The following HMGCLL1 variants were observed in gnomAD, a reference collection of about 807,000 sequenced individuals.
HMGCLL1 encodes the protein 3-hydroxymethyl-3-methylglutaryl-CoA lyase, cytoplasmic.
HMGCLL1 carries 36 observed loss-of-function variants against 39.1 expected under a neutral mutation model. The ratio of observed to expected loss-of-function variants is 0.92; its 90% CI spans 0.71 to 1.22. The LOEUF (loss-of-function observed/expected upper bound fraction) is 1.22. Among genes scored for constraint, HMGCLL1 ranks in the 50% most tolerant of loss-of-function variants. HMGCLL1 has a pLI of 0.00. For synonymous variants in HMGCLL1, 149 were observed against 144.0 expected (o/e 1.03, Z -0.25); for missense variants, 451 against 416.5 (o/e 1.08, Z -0.72).
chr6:55,446,776 CAA>C (rs1360183202), intron 7 of HMGCLL1, among the ~76,000 whole-genome samples: 6 of 151,806 alleles, frequency 4.0e-5, no homozygotes, highest in Non-Finnish European at 5.9e-5. Flanking sequence ...AATCATCTTG[CAA>C]AATTTCTAAT....
chr6:55,560,745 C>A (rs1230917070), intron 1 of HMGCLL1, among the ~76,000 whole-genome samples: 1 of 152,104 alleles, frequency 6.6e-6, no homozygotes, highest in Non-Finnish European at 1.5e-5. Context: ...TCCAGCACAC[C>A]AAAGCTTTTA....
chr6:55,582,831 C>T (rs78298973), upstream of HMGCLL1, among the ~76,000 whole-genome samples: 5,467 of 151,966 alleles, frequency 0.036, 155 homozygotes, highest in South Asian at 0.11. Flanking sequence ...TTATTTGAAA[C>T]CATGATGCTA....
chr6:55,440,774 C>A lies in HMGCLL1; in HGVS notation c.796-1215G>T, dbSNP rs56328379. The stretch of plus-strand genomic sequence containing the variant: ...GAGTTTTTGACTCAGAAGGTCTGGG[C>A]TGCGACTTGAGAATTTTAAATTTTG... On this transcript the variant is annotated intron_variant, in intron 7 of 8. Coordinates refer to ENST00000274901, the MANE Select transcript of HMGCLL1 (RefSeq NM_001042406.2). 7.3e-3 allele frequency among the ~76,000 whole-genome samples: 1,104 copies of A among 152,212 alleles called. 11 individuals carry two copies. Among genetic ancestry groups the A allele is most frequent in the African/African-American group, 0.025 (1,019 of 41,540 alleles).
chr6:55,634,235 T>C, the HMGCLL1 span, among the ~76,000 whole-genome samples: 8 of 152,138 alleles, frequency 5.3e-5, no homozygotes, highest in East Asian at 5.8e-4. Flanking sequence ...ATAAAATTGA[T>C]AGATTTAGGT....
intron 5 of HMGCLL1, among the ~76,000 whole-genome samples, chr6:55,507,453 T>C (rs1003765336): frequency 1.1e-4 from 16 of 151,422 alleles, no homozygotes; most frequent in Admixed American, 6.6e-4. Context: ...TATCTGAATA[T>C]GTTCCCAATG....
rs771644914 is a variant in HMGCLL1, at chr6:55,577,088, C to G, written c.108+1860G>C. 5 of 1,613,458 alleles carry G rather than the reference C, an allele frequency of 3.1e-6. No homozygotes were observed. In the South Asian group the frequency reaches 4.4e-5, roughly 14 times the overall value. On this transcript the variant is annotated intron_variant, in intron 1 of 8. Transcript: ENST00000274901. The stretch of plus-strand genomic sequence containing the variant: ...CATCTGGATATTTACCCAGTGGATA[C>G]AAGCCACCGTGCCTGCCAAGGAGAC...
At chr6:55,546,748 A>G (rs1204227913) in intron 1 of HMGCLL1, among the ~76,000 whole-genome samples, 2 of 152,136 alleles carry the variant, frequency 1.3e-5, no homozygotes, top group Non-Finnish European at 2.9e-5. Context: ...TACTTCTTAA[A>G]CAGGCCAATA....
intron 7 of HMGCLL1, among the ~76,000 whole-genome samples, chr6:55,479,571 T>C (rs1278815961): frequency 6.6e-6 from 1 of 151,680 alleles, no homozygotes; most frequent in East Asian, 1.9e-4. Context: ...TGTAATATTA[T>C]TCTTTCTCTT....
chr6:55,472,103 G>A (rs1211126826), intron 7 of HMGCLL1, among the ~76,000 whole-genome samples: 1 of 151,630 alleles, frequency 6.6e-6, no homozygotes, highest in Admixed American at 6.6e-5. Context: ...AAGAGTACTA[G>A]TGTGAACATT....
chr6:55,465,547 C>T (rs576347288), intron 7 of HMGCLL1, among the ~76,000 whole-genome samples: 2 of 152,054 alleles, frequency 1.3e-5, no homozygotes, highest in South Asian at 2.1e-4. Context: ...TAAATTGATA[C>T]TATTTCTAAG....
At chr6:55,488,806 T>C in intron 7 of HMGCLL1, among the ~76,000 whole-genome samples, 1 of 152,222 alleles carries the variant, frequency 6.6e-6, no homozygotes, top group South Asian at 2.1e-4. Context: ...AATGAGCCAC[T>C]GTGATCCAAC....
At chr6:55,524,948 AATTACT>A (rs1768235456) in intron 3 of HMGCLL1, among the ~76,000 whole-genome samples, 1 of 150,950 alleles carries the variant, frequency 6.6e-6, no homozygotes, top group Admixed American at 6.7e-5. Flanking sequence ...AATTAATACT[AATTACT>A]ATTACTATTA....
intron 7 of HMGCLL1, among the ~76,000 whole-genome samples, chr6:55,449,175 A>G (rs1763977486): frequency 6.6e-6 from 1 of 152,212 alleles, no homozygotes; most frequent in Non-Finnish European, 1.5e-5. Context: ...GAGCTAGTTT[A>G]TTACCAAAAA....
intron 7 of HMGCLL1, among the ~76,000 whole-genome samples, chr6:55,448,428 A>G (rs1763949310): frequency 1.3e-5 from 2 of 151,642 alleles, no homozygotes; most frequent in South Asian, 2.1e-4. Context: ...GATACTAACT[A>G]TAGTTCCATT....
chr6:55,634,442 G>A, the HMGCLL1 span, among the ~76,000 whole-genome samples: 26,081 of 151,964 alleles, frequency 0.17, 2,458 homozygotes, highest in African/African-American at 0.24. Flanking sequence ...TCTTCAAGGC[G>A]ACTACTGTGA....
chr6:55,668,235 G>A, the HMGCLL1 span, among the ~76,000 whole-genome samples: 1 of 151,884 alleles, frequency 6.6e-6, no homozygotes, highest in South Asian at 2.1e-4. Flanking sequence ...TCTGGCAAAT[G>A]CCAACTTTGT....
At chr6:55,541,212 A>C (rs919385288) in intron 3 of HMGCLL1, among the ~76,000 whole-genome samples, 3 of 152,154 alleles carry the variant, frequency 2.0e-5, no homozygotes, top group African/African-American at 7.2e-5. Context: ...TCATCTTTCA[A>C]GGCAAAATTC....
chr6:55,652,710 C>A, the HMGCLL1 span, among the ~76,000 whole-genome samples: 3 of 152,150 alleles, frequency 2.0e-5, no homozygotes, highest in African/African-American at 7.2e-5. Context: ...AATTTCATGG[C>A]CTTCACAAGT....
At chr6:55,482,876 A>G (rs1765817366) in intron 7 of HMGCLL1, among the ~76,000 whole-genome samples, 1 of 152,134 alleles carries the variant, frequency 6.6e-6, no homozygotes, top group Non-Finnish European at 1.5e-5. Context: ...TGCTTAATAT[A>G]AATAAATTTA....
Sources: allele counts gnomAD v4.1 joint callset (sites outside exome capture counted in the v4.1 genomes callset), GRCh38; gene constraint gnomAD v4.1.1; transcripts MANE v1.5; gene names NCBI Gene and HGNC (gene_info 2026-07-23, HGNC 2026-07-21).